Variants in CCDC171 observed in about 807,000 individuals in gnomAD.
CCDC171 encodes the protein coiled-coil domain-containing protein 171.
A neutral mutation model predicts 168.2 loss-of-function variants in CCDC171; 177 were observed. The observed-to-expected ratio is 1.05, with a 90% CI of 0.93 to 1.19. The LOEUF (loss-of-function observed/expected upper bound fraction) is 1.19. Among genes scored for constraint, CCDC171 ranks in the 50% most tolerant of loss-of-function variants. CCDC171 has a pLI of 0.00. For synonymous variants in CCDC171, 687 were observed against 540.8 expected (o/e 1.27, Z -3.75); for missense variants, 1,991 against 1,539.0 (o/e 1.29, Z -4.91).
Position 15,818,023 on chromosome 9 carries a change from A to C in CCDC171, c.3268-28679A>C, listed in dbSNP as rs2059625311. Among the ~76,000 whole-genome samples, 2 of 116,892 alleles carry C rather than the reference A, an allele frequency of 1.7e-5. 1 individual carries two copies. The highest frequency in any genetic ancestry group is 6.4e-5 in the African/African-American group (2 of 31,026). The allele number at this position is 116,892 out of a possible 152,430, so 76.7% of individuals were successfully genotyped here. ...TCCAGAGGAACGATCAGGCAGCAGCATTTGCGGTTCACTAACATCTGCTGT... is the reference window on the plus strand; with the variant it reads ...TCCAGAGGAACGATCAGGCAGCAGCCTTTGCGGTTCACTAACATCTGCTGT... On this transcript the variant is annotated intron_variant, in intron 21 of 25. Coordinates refer to ENST00000380701, the MANE Select transcript of CCDC171 (RefSeq NM_173550.4).
chr9:15,706,660 A>G (rs376922366), intron 11 of CCDC171, among the ~76,000 whole-genome samples: 1 of 152,172 alleles, frequency 6.6e-6, no homozygotes, highest in Non-Finnish European at 1.5e-5. Flanking sequence ...GCAAACATCA[A>G]GAATGTGACT....
intron 24 of CCDC171, among the ~76,000 whole-genome samples, chr9:15,918,656 TC>T (rs141440386): frequency 0.047 from 7,137 of 151,680 alleles, 238 homozygotes; most frequent in Non-Finnish European, 0.067. Flanking sequence ...TGTCAGATAT[TC>T]CCAGGTAAGA....
intron 16 of CCDC171, among the ~76,000 whole-genome samples, chr9:15,740,910 G>T (rs2054833891): frequency 1.3e-5 from 2 of 152,138 alleles, no homozygotes; most frequent in Admixed American, 6.5e-5. Context: ...TTGAATCTTT[G>T]TGATGAGTTA....
intron 21 of CCDC171, among the ~76,000 whole-genome samples, chr9:15,787,866 T>A (rs1435745764): frequency 6.6e-6 from 1 of 152,174 alleles, no homozygotes; most frequent in Non-Finnish European, 1.5e-5. Context: ...GAGTTGAAAA[T>A]TTTTATAAGC....
chr9:15,933,703 C>G (rs928130035), intron 25 of CCDC171, among the ~76,000 whole-genome samples: 1 of 151,890 alleles, frequency 6.6e-6, no homozygotes, highest in Non-Finnish European at 1.5e-5. Context: ...TCATTTGTCT[C>G]AGAAAATTTA....
intron 25 of CCDC171, 113 bp downstream of exon 25, chr9:15,920,535 TGATC>T (rs1825178535): frequency 1.4e-6 from 1 of 736,718 alleles, no homozygotes; most frequent in East Asian, 2.8e-5. Context: ...TTAGGGTAAA[TGATC>T]AATCAAGTGA....
At chr9:15,682,512 C>T (rs1209895934) in intron 10 of CCDC171, among the ~76,000 whole-genome samples, 2 of 151,740 alleles carry the variant, frequency 1.3e-5, no homozygotes, top group African/African-American at 4.8e-5. Flanking sequence ...ATATGGTACA[C>T]TGTGATGTTT....
chr9:15,637,850 T>G (rs941165654), intron 7 of CCDC171, among the ~76,000 whole-genome samples: 47 of 152,222 alleles, frequency 3.1e-4, no homozygotes, highest in African/African-American at 9.9e-4. Flanking sequence ...GTGCCACATT[T>G]TCTTAATCCA....
intron 7 of CCDC171, among the ~76,000 whole-genome samples, chr9:15,636,166 A>ATATC (rs1420370174): frequency 1.3e-5 from 2 of 152,122 alleles, no homozygotes; most frequent in Admixed American, 1.3e-4. Flanking sequence ...ATATATATAT[A>ATATC]TATCTATAAG....
At chr9:15,925,606 C>G (rs1589144841) in intron 25 of CCDC171, among the ~76,000 whole-genome samples, 1 of 151,494 alleles carries the variant, frequency 6.6e-6, no homozygotes. Context: ...ACATGAAGAA[C>G]AAGAGAAAAT....
intron 12 of CCDC171, 32 bp downstream of exon 12, chr9:15,721,907 T>C (rs750070884): frequency 9.8e-6 from 12 of 1,226,132 alleles, no homozygotes; most frequent in African/African-American, 1.5e-5. Context: ...TCCACACATA[T>C]AGCCTTCGGC....
chr9:15,897,496 A>T (rs1821066991), intron 24 of CCDC171, among the ~76,000 whole-genome samples: 1 of 152,180 alleles, frequency 6.6e-6, no homozygotes, highest in Non-Finnish European at 1.5e-5. Flanking sequence ...GAACAACTAC[A>T]GAATGAATGA....
intron 21 of CCDC171, among the ~76,000 whole-genome samples, chr9:15,800,450 A>G (rs1387114799): frequency 6.6e-6 from 1 of 152,090 alleles, no homozygotes; most frequent in Non-Finnish European, 1.5e-5. Context: ...CCATTTTAAA[A>G]TCAGATTATT....
the CCDC171 span, among the ~76,000 whole-genome samples, chr9:16,092,447 C>T: frequency 2.0e-5 from 3 of 152,290 alleles, no homozygotes; most frequent in Non-Finnish European, 4.4e-5. Context: ...ACAGCTGCAT[C>T]GGGAACTGTT....
chr9:15,732,519 G>T (rs768812065), intron 16 of CCDC171, among the ~76,000 whole-genome samples: 6 of 152,098 alleles, frequency 3.9e-5, no homozygotes, highest in Non-Finnish European at 7.4e-5. Context: ...GCCCTCTCCA[G>T]AATGTCATAT....
chr9:15,956,895 T>G (rs1412848008), intron 25 of CCDC171, among the ~76,000 whole-genome samples: 2 of 152,134 alleles, frequency 1.3e-5, no homozygotes, highest in African/African-American at 4.8e-5. Context: ...ACAATACTAT[T>G]ATTAATGATG....
chr9:15,742,162 C>G (rs1321500429), intron 16 of CCDC171, among the ~76,000 whole-genome samples: 2 of 152,088 alleles, frequency 1.3e-5, no homozygotes, highest in Admixed American at 6.5e-5. Context: ...TTCCCCTCAT[C>G]CTACTCCCAA....
chr9:15,710,241 G>A (rs1200387707), intron 11 of CCDC171, among the ~76,000 whole-genome samples: 1 of 152,014 alleles, frequency 6.6e-6, no homozygotes, highest in Non-Finnish European at 1.5e-5. Context: ...TGCAGAGAAG[G>A]TCTAGATATT....
At chr9:15,840,275 G>A (rs1485588634) in intron 21 of CCDC171, among the ~76,000 whole-genome samples, 1 of 151,856 alleles carries the variant, frequency 6.6e-6, no homozygotes, top group Non-Finnish European at 1.5e-5. Context: ...ATTCTTTTCA[G>A]ACATTTGTTT....
Sources: allele counts gnomAD v4.1 joint callset (sites outside exome capture counted in the v4.1 genomes callset), GRCh38; gene constraint gnomAD v4.1.1; transcripts MANE v1.5; gene names NCBI Gene and HGNC (gene_info 2026-07-23, HGNC 2026-07-21).